DAB1: variants seen among roughly 807,000 people sequenced by gnomAD.
DAB1 encodes the protein DAB adaptor protein 1.
A neutral mutation model predicts 64.6 loss-of-function variants in DAB1; 15 were observed. The observed-to-expected ratio is 0.23, with a 90% confidence interval of 0.16 to 0.36. DAB1 has a LOEUF of 0.36. Among genes scored for constraint, DAB1 ranks in the 10% least tolerant of loss-of-function variants. The pLI is 1.00. For missense variants in DAB1, 596 were observed against 706.7 expected, an observed-to-expected ratio of 0.84 and a Z score of 1.78; for synonymous variants, 235 against 251.9, an observed-to-expected ratio of 0.93 and a Z score of 0.64.
intron 4 of DAB1, among the ~76,000 whole-genome samples, chr1:58,283,664 C>G (rs1228054638): frequency 2.0e-5 from 3 of 152,128 alleles, no homozygotes; most frequent in African/African-American, 7.2e-5. Context: ...AATAACATTG[C>G]CAAACTTGTA....
intron 3 of DAB1, among the ~76,000 whole-genome samples, chr1:58,460,702 T>TGA (rs1645235640): frequency 6.6e-6 from 1 of 152,232 alleles, no homozygotes; most frequent in Non-Finnish European, 1.5e-5. Flanking sequence ...CATTGCTCTC[T>TGA]GACTGGGCTC....
intron 7 of DAB1, among the ~76,000 whole-genome samples, chr1:57,459,719 C>G (rs1686717696): frequency 6.6e-6 from 1 of 152,196 alleles, no homozygotes; most frequent in African/African-American, 2.4e-5. Context: ...TTACATAGAA[C>G]AAAGATTAAA....
At chr1:57,258,726 G>T (rs865795862) in intron 2 of DAB1, among the ~76,000 whole-genome samples, 2 of 152,216 alleles carry the variant, frequency 1.3e-5, no homozygotes, top group East Asian at 3.9e-4. Context: ...GGATTTGCTC[G>T]CTCTCCACTT....
At chr1:57,547,775 T>G (rs2101467415) in intron 7 of DAB1, among the ~76,000 whole-genome samples, 1 of 152,320 alleles carries the variant, frequency 6.6e-6, no homozygotes, top group Non-Finnish European at 1.5e-5. Context: ...TTTGAACAAA[T>G]GCATCATGGT....
At chr1:57,674,716 G>T (rs947092265) in intron 6 of DAB1, among the ~76,000 whole-genome samples, 1 of 151,948 alleles carries the variant, frequency 6.6e-6, no homozygotes. Flanking sequence ...ATACTATTTC[G>T]GCCTCTGTCT....
intron 6 of DAB1, among the ~76,000 whole-genome samples, chr1:57,716,752 G>A (rs1647088789): frequency 6.6e-6 from 1 of 152,106 alleles, no homozygotes; most frequent in Admixed American, 6.6e-5. Context: ...TCAAACTAAT[G>A]AGCTTCTGCA....
chr1:58,278,128 G>C (rs749820902), intron 4 of DAB1, among the ~76,000 whole-genome samples: 2 of 152,134 alleles, frequency 1.3e-5, no homozygotes. Context: ...CCCACATGTC[G>C]AGGGTGGGGC....
intron 7 of DAB1, among the ~76,000 whole-genome samples, chr1:57,447,600 A>G (rs2860532): frequency 0.7 from 106,446 of 152,142 alleles, 37,234 homozygotes; most frequent in Admixed American, 0.75. Context: ...AGAGAAAAAT[A>G]TTATATGATG....
intron 1 of DAB1, among the ~76,000 whole-genome samples, chr1:57,417,017 C>T (rs1000157080): frequency 2.6e-5 from 4 of 152,008 alleles, no homozygotes; most frequent in Non-Finnish European, 4.4e-5. Context: ...CAGTAATGAG[C>T]TAGAAAGTGA....
Position 58,499,252 on chromosome 1 carries a change from G to C in DAB1, n.257+6808C>G, listed in dbSNP as rs116781756. 4.2e-3 allele frequency among the ~76,000 whole-genome samples: 630 copies of C among 149,752 alleles called. 6 individuals carry two copies. Among genetic ancestry groups the C allele is most frequent in the African/African-American group, 0.015 (602 of 40,554 alleles). On this transcript the variant is annotated intron_variant and non_coding_transcript_variant, in intron 3 of 20. Transcript: ENST00000485760. Reference sequence around the variant, plus strand: ...GGGGATCGGGGAGTAGGAATCAGGAGGTGTTGGTCAAAAAGTATGAAGTTT... The same window carrying C: ...GGGGATCGGGGAGTAGGAATCAGGACGTGTTGGTCAAAAAGTATGAAGTTT...
chr1:57,794,679 C>T (rs931165274), intron 6 of DAB1, among the ~76,000 whole-genome samples: 5 of 152,200 alleles, frequency 3.3e-5, no homozygotes, highest in Non-Finnish European at 7.3e-5. Context: ...CAAATTCCAG[C>T]CCCCTAGACT....
chr1:57,476,992 C>T (rs1643946587), intron 7 of DAB1, among the ~76,000 whole-genome samples: 1 of 152,212 alleles, frequency 6.6e-6, no homozygotes, highest in Admixed American at 6.5e-5. Flanking sequence ...CAGCCCCAAC[C>T]TGATAAGTTT....
At chr1:58,339,529 T>C (rs1557735105) in intron 4 of DAB1, among the ~76,000 whole-genome samples, 1 of 152,140 alleles carries the variant, frequency 6.6e-6, no homozygotes. Flanking sequence ...TAGTGGAATA[T>C]AGAGAAATTA....
chr1:58,437,416 C>T (rs1281198719), intron 3 of DAB1, among the ~76,000 whole-genome samples: 1 of 152,130 alleles, frequency 6.6e-6, no homozygotes, highest in African/African-American at 2.4e-5. Flanking sequence ...ATCAGAACAA[C>T]ACGGAAGAGC....
chr1:58,337,102 C>T (rs2147335), intron 4 of DAB1, among the ~76,000 whole-genome samples: 47,232 of 151,632 alleles, frequency 0.31, 7,910 homozygotes, highest in African/African-American at 0.44. Context: ...GCCAACATGA[C>T]GAAACCCCAT....
At chr1:57,384,122 C>T (rs747668166) in intron 1 of DAB1, among the ~76,000 whole-genome samples, 7 of 152,058 alleles carry the variant, frequency 4.6e-5, no homozygotes, top group Non-Finnish European at 8.8e-5. Flanking sequence ...ATACAAATTG[C>T]CAACAAGCAT....
chr1:57,397,974 T>C (rs1682945896), intron 1 of DAB1, among the ~76,000 whole-genome samples: 1 of 152,258 alleles, frequency 6.6e-6, no homozygotes. Flanking sequence ...ATTCTGGTTC[T>C]CTTGTCTCTG....
chr1:57,584,333 C>T (rs1348727309), intron 7 of DAB1, among the ~76,000 whole-genome samples: 1 of 152,174 alleles, frequency 6.6e-6, no homozygotes, highest in Admixed American at 6.5e-5. Flanking sequence ...GTTCATTGCT[C>T]AATTAAACTC....
At chr1:57,579,663 C>T (rs1280869125) in intron 7 of DAB1, among the ~76,000 whole-genome samples, 3 of 152,166 alleles carry the variant, frequency 2.0e-5, no homozygotes, top group Non-Finnish European at 4.4e-5. Context: ...TAGGGGCTAC[C>T]TTAAACCCAC....
Sources: allele counts gnomAD v4.1 joint callset (sites outside exome capture counted in the v4.1 genomes callset), GRCh38; gene constraint gnomAD v4.1.1; transcripts MANE v1.5; gene names NCBI Gene and HGNC (gene_info 2026-07-23, HGNC 2026-07-21).